Variants in RGS17 observed in about 807,000 individuals in gnomAD.
The protein encoded by RGS17 is regulator of G protein signaling 17, also known as regulator of G-protein signaling 17.
Under a neutral mutation model 25.5 loss-of-function variants are expected in RGS17, and 12 were observed. The observed-to-expected ratio is 0.47, with a 90% CI of 0.30 to 0.76. The LOEUF (loss-of-function observed/expected upper bound fraction) is 0.76, where lower values mean the gene tolerates loss of function less well. Among genes scored for constraint, RGS17 ranks in the 30% least tolerant of loss-of-function variants. The probability of loss-of-function intolerance (pLI) is 0.07; values close to 1 mark genes in which losing one functional copy is unlikely to be tolerated. For missense variants in RGS17, 196 were observed against 242.2 expected (o/e 0.81, Z 1.27); for synonymous variants, 71 against 76.9 (o/e 0.92, Z 0.40).
At chr6:153,059,725 T>C (rs1776610576) in intron 1 of RGS17, among the ~76,000 whole-genome samples, 1 of 152,240 alleles carries the variant, frequency 6.6e-6, no homozygotes, top group Non-Finnish European at 1.5e-5. Flanking sequence ...TTATTATTAC[T>C]CCTGGACCAA....
rs574997641 is a variant in RGS17 at position 153,110,063 on chromosome 6, A to C, written c.-26+21061T>G. Among the ~76,000 whole-genome samples the C allele has an allele frequency of 2.0e-5, 3 of 152,346 alleles. No individual in the cohort carries two copies. In the East Asian group the frequency reaches 5.8e-4, roughly 29 times the overall value. The stretch of plus-strand genomic sequence containing the variant: ...AATGAATACAATTGATATTCTAGGA[A>C]ATACCATGGTATTTTTCCTGACCCT... On this transcript the variant is annotated intron_variant, in intron 1 of 4. Coordinates refer to ENST00000206262, the MANE Select transcript of RGS17 (RefSeq NM_012419.5).
chr6:153,111,906 G>A (rs182080401), intron 1 of RGS17, among the ~76,000 whole-genome samples: 10 of 152,188 alleles, frequency 6.6e-5, no homozygotes, highest in South Asian at 2.1e-4. Flanking sequence ...CAAAAAGGAC[G>A]TCCACACAAA....
chr6:153,056,045 G>A (rs1404244532), intron 1 of RGS17, among the ~76,000 whole-genome samples: 1 of 152,124 alleles, frequency 6.6e-6, no homozygotes. Context: ...TGAAAAATTC[G>A]GGACAGTAAA....
intron 1 of RGS17, among the ~76,000 whole-genome samples, chr6:153,099,971 C>T (rs1026262458): frequency 8.5e-5 from 13 of 152,124 alleles, no homozygotes; most frequent in African/African-American, 2.7e-4. Flanking sequence ...CAAGATGCTA[C>T]TAGTTCCCAA....
At chr6:153,028,932 C>G (rs558642238) in intron 2 of RGS17, among the ~76,000 whole-genome samples, 1 of 152,242 alleles carries the variant, frequency 6.6e-6, no homozygotes, top group Admixed American at 6.5e-5. Context: ...CTCCGTTGTG[C>G]CTTTGCCGTA....
intron 2 of RGS17, among the ~76,000 whole-genome samples, chr6:153,035,497 A>G (rs558703226): frequency 2.0e-5 from 3 of 152,356 alleles, no homozygotes; most frequent in Non-Finnish European, 4.4e-5. Flanking sequence ...TTAGGCCCAT[A>G]AGAAATAATG....
rs1170448255 is a variant in RGS17, at chr6:153,007,624, C to T, written c.*3950G>A. On this transcript the variant is annotated 3_prime_UTR_variant, in exon 5 of 5. Coordinates refer to ENST00000206262, the MANE Select transcript of RGS17 (RefSeq NM_012419.5). ...TTATTATTATTTTGAGATGGAGTCACTCTGTTGCCAAGGCTGGAGTGCAGT... is the reference window on the plus strand; with the variant it reads ...TTATTATTATTTTGAGATGGAGTCATTCTGTTGCCAAGGCTGGAGTGCAGT... The T allele has an allele frequency of 1.3e-5, 2 of 151,812 alleles. No individual in the cohort carries two copies. Among genetic ancestry groups the T allele is most frequent in the Non-Finnish European group, 2.9e-5 (2 of 67,986 alleles). The allele number at this position is 151,812 out of a possible 1,614,324, so 9.4% of individuals were successfully genotyped here.
chr6:153,011,838 G>T, intron 4 of RGS17, 76 bp from the exon 5 acceptor site: 1 of 1,080,632 alleles, frequency 9.3e-7, no homozygotes, highest in Non-Finnish European at 1.3e-6. Flanking sequence ...GTAGGTTTGT[G>T]ACATTTTAGA....
chr6:153,129,923 C>T (rs951428184), intron 1 of RGS17, among the ~76,000 whole-genome samples: 1 of 152,150 alleles, frequency 6.6e-6, no homozygotes, highest in African/African-American at 2.4e-5. Context: ...AGGCGCAGGG[C>T]TCAGGGCGCA....
intron 2 of RGS17, among the ~76,000 whole-genome samples, chr6:153,030,838 G>A (rs1219261314): frequency 1.3e-5 from 2 of 152,162 alleles, no homozygotes; most frequent in African/African-American, 2.4e-5. Flanking sequence ...GAGCTCAGAC[G>A]GGTAAATAAA....
At chr6:153,092,368 AGTTT>A (rs1474257382) in intron 1 of RGS17, among the ~76,000 whole-genome samples, 1 of 152,130 alleles carries the variant, frequency 6.6e-6, no homozygotes, top group East Asian at 1.9e-4. Flanking sequence ...GTCAAAAGAG[AGTTT>A]GCTGTTTGGC....
In RGS17 at chr6:153,118,593, T is replaced by G. The variant is rs9968869; in HGVS notation, c.-26+12531A>C. Among the ~76,000 whole-genome samples the G allele has an allele frequency of 2.3e-3, 349 of 152,328 alleles. 3 individuals are homozygous for G. Among genetic ancestry groups the G allele is most frequent in the African/African-American group, 8.1e-3 (336 of 41,570 alleles). ...TTACAAAAATGATCTTACCCAGGTT[T>G]TGTGGTACATTCACTATTTCCCCCA... On this transcript the variant is annotated intron_variant, in intron 1 of 4. Coordinates refer to ENST00000206262, the MANE Select transcript of RGS17 (RefSeq NM_012419.5).
intron 2 of RGS17, among the ~76,000 whole-genome samples, chr6:153,041,610 T>G (rs912256493): frequency 7.9e-5 from 12 of 152,258 alleles, no homozygotes; most frequent in Admixed American, 4.6e-4. Flanking sequence ...TCTGGTGTTT[T>G]AATCCCAAAG....
intron 1 of RGS17, among the ~76,000 whole-genome samples, chr6:153,060,715 CTT>C (rs564824203): frequency 4.1e-5 from 6 of 146,510 alleles, no homozygotes; most frequent in African/African-American, 1.0e-4. Flanking sequence ...GTTTATCGCA[CTT>C]TTTTTTTTTT....
At chr6:153,087,473 A>C (rs564761959) in intron 1 of RGS17, among the ~76,000 whole-genome samples, 2 of 152,302 alleles carry the variant, frequency 1.3e-5, no homozygotes, top group African/African-American at 4.8e-5. Context: ...CTGCAAACAC[A>C]TGCTGCTATC....
At chr6:153,055,618 T>A (rs1172215574) in intron 1 of RGS17, among the ~76,000 whole-genome samples, 2 of 152,148 alleles carry the variant, frequency 1.3e-5, no homozygotes, top group Non-Finnish European at 2.9e-5. Context: ...GCATCCTACC[T>A]GTAAAAACAC....
chr6:153,074,863 G>T (rs1202231043), intron 1 of RGS17, among the ~76,000 whole-genome samples: 1 of 152,144 alleles, frequency 6.6e-6, no homozygotes, highest in Non-Finnish European at 1.5e-5. Flanking sequence ...AGTTTGGGAA[G>T]AAAACTAAAA....
chr6:153,110,013 A>T (rs1777444289), intron 1 of RGS17, among the ~76,000 whole-genome samples: 1 of 152,268 alleles, frequency 6.6e-6, no homozygotes, highest in African/African-American at 2.4e-5. Flanking sequence ...TTACTTTGAT[A>T]TGGAAACATT....
rs546649342 is a variant in RGS17 at position 153,115,013 on chromosome 6, C to G, written c.-26+16111G>C. Reference sequence around the variant, plus strand: ...AAGCTGGAAGCATTCCCTTTGAAAACTGGCACAAGACAAGGATGCCCTCTC... The same window carrying G: ...AAGCTGGAAGCATTCCCTTTGAAAAGTGGCACAAGACAAGGATGCCCTCTC... On this transcript the variant is annotated intron_variant, in intron 1 of 4. Coordinates refer to ENST00000206262, the MANE Select transcript of RGS17 (RefSeq NM_012419.5). Among the ~76,000 whole-genome samples the G allele has an allele frequency of 7.2e-5, 11 of 152,276 alleles. No individual in the cohort carries two copies. The South Asian group carries it at 2.3e-3, about 32-fold the overall frequency.
Sources: allele counts gnomAD v4.1 joint callset (sites outside exome capture counted in the v4.1 genomes callset), GRCh38; gene constraint gnomAD v4.1.1; transcripts MANE v1.5; gene names NCBI Gene and HGNC (gene_info 2026-07-23, HGNC 2026-07-21).